The following EFNA3 variants were observed in gnomAD, a reference collection of about 807,000 sequenced individuals.
EFNA3 encodes ephrin-A3.
Under a neutral mutation model 25.0 loss-of-function variants are expected in EFNA3, and 15 were observed. The observed-to-expected ratio is 0.60, with a 90% CI of 0.40 to 0.92. The LOEUF is 0.92. Ranked by LOEUF, EFNA3 falls within the 40% of genes least tolerant of loss-of-function variation. EFNA3 has a pLI of 0.00. For missense variants in EFNA3, 298 were observed against 323.8 expected (o/e 0.92, Z 0.61); for synonymous variants, 153 against 145.6 (o/e 1.05, Z -0.37).
chr1:155,084,998 C>A (rs1663422397), intron 1 of EFNA3, 93 bp from the exon 2 acceptor site: 6 of 1,436,818 alleles, frequency 4.2e-6, no homozygotes, highest in Non-Finnish European at 2.9e-6. Flanking sequence ...CGGAAGGCTA[C>A]GCGGACCCTG....
At position 155,081,276 on chromosome 1, in the gene EFNA3, CTA is replaced by C. The variant is rs1344130590; in HGVS notation, c.128+2208_128+2209del. The stretch of plus-strand genomic sequence containing the variant: ...ACCTGTTCCCAATCTGGCCCAGAAA[CTA>C]GGGATGGGGGGACTGTATTGGAGCG... On this transcript the variant is annotated intron_variant, in intron 1 of 4. Transcript: ENST00000368408. This position sits in a 1 kb window ranked among gnomAD's most constrained non-coding sequence, Gnocchi z 5.2. 1.6e-4 allele frequency among the ~76,000 whole-genome samples: 25 copies of C among 152,334 alleles called. No individual in the cohort carries two copies. In the South Asian group the frequency reaches 2.7e-3, roughly 16 times the overall value.
Position 155,081,095 on chromosome 1 carries a change from G to A in EFNA3, c.128+2026G>A, listed in dbSNP as rs1294935123. Among the ~76,000 whole-genome samples, 1 of 152,164 alleles carries A rather than the reference G, an allele frequency of 6.6e-6. No individual in the cohort carries two copies. Among genetic ancestry groups the A allele is most frequent in the African/African-American group, 2.4e-5 (1 of 41,438 alleles). ...CGTGCGGAGGGTCTCTGCCCCTTGG[G>A]GTCACGTGGGGAGGGTCTTGCGACC... On this transcript the variant is annotated intron_variant, in intron 1 of 4. Coordinates refer to ENST00000368408, the MANE Select transcript of EFNA3 (RefSeq NM_004952.5). This position sits in a 1 kb window ranked among gnomAD's most constrained non-coding sequence, Gnocchi z 5.2.
rs1240843210 is a variant in EFNA3, at chr1:155,086,601, C to A, written c.*58C>A. 6.3e-7 allele frequency: 1 copy of A among 1,595,490 alleles called. No individual in the cohort carries two copies. The highest frequency in any genetic ancestry group is 1.1e-5 in the South Asian group (1 of 88,740). On this transcript the variant is annotated 3_prime_UTR_variant, in exon 5 of 5. Transcript: ENST00000368408. ...GGCGGGGCTTGGAAGGAGCAGGGAGCCTTTGGCCTCTCCAAGGGAAGCCTA... is the reference window on the plus strand; with the variant it reads ...GGCGGGGCTTGGAAGGAGCAGGGAGACTTTGGCCTCTCCAAGGGAAGCCTA...
rs1290980913 is a variant in EFNA3 at position 155,086,147 on chromosome 1, G to A, written c.528G>A (p.Lys176=). The A allele has an allele frequency of 1.3e-6, 2 of 1,573,002 alleles. No homozygotes were observed. Among genetic ancestry groups the A allele is most frequent in the Non-Finnish European group, 1.7e-6 (2 of 1,154,540 alleles). The part of the protein sequence containing the change: ...CCASTSHSGE[K]PVPTLPQFTM... Reference sequence around the variant, plus strand: ...CCGCAGCATCGCACTCCGGGGAGAAGCCGGTCCCCACTCTCCCCCAGTTCA... The same window carrying A: ...CCGCAGCATCGCACTCCGGGGAGAAACCGGTCCCCACTCTCCCCCAGTTCA... The change falls in exon 4 of 5, where the codon AAG becomes AAA. Residue 176 remains lysine (K), a synonymous_variant. Transcript: ENST00000368408.
Position 155,080,580 on chromosome 1 carries a change from C to T in EFNA3, c.128+1511C>T, listed in dbSNP as rs1036478992. The stretch of plus-strand genomic sequence containing the variant: ...AGTCTGGCGGGGAACGGAGAGCTCG[C>T]AGGTGAGGGGCCCCGGGTTCCCCGC... On this transcript the variant is annotated intron_variant, in intron 1 of 4. Transcript: ENST00000368408. The surrounding 1 kb of genome is among the most constrained non-coding windows in gnomAD (Gnocchi z 7.0). Among the ~76,000 whole-genome samples, 9 of 152,116 alleles carry T rather than the reference C, an allele frequency of 5.9e-5. No homozygotes were observed. The highest frequency in any genetic ancestry group is 1.2e-4 in the Non-Finnish European group (8 of 67,990).
In EFNA3 at chr1:155,085,048, C is replaced by T. The variant is rs1663424297; in HGVS notation, c.129-43C>T. 8.7e-6 allele frequency: 14 copies of T among 1,603,830 alleles called. No homozygotes were observed. The highest frequency in any genetic ancestry group is 1.0e-5 in the Non-Finnish European group (12 of 1,175,042). ...AGCGGTCAGATGGAAAGCGGCTTTG[C>T]TCTGGGGTTTCTTCTCTCTGAGCCG... On this transcript the variant is annotated intron_variant, in intron 1 of 4. Coordinates refer to ENST00000368408, the MANE Select transcript of EFNA3 (RefSeq NM_004952.5). The surrounding 1 kb of genome is among the most constrained non-coding windows in gnomAD (Gnocchi z 4.4).
chr1:155,086,071 G>A, intron 3 of EFNA3, 57 bp from the exon 4 acceptor site: 1 of 1,588,982 alleles, frequency 6.3e-7, no homozygotes, highest in Non-Finnish European at 8.6e-7. Context: ...AGCAAGGGGA[G>A]GGAATCCTGG....
At chr1:155,082,059 G>T (rs1663352016) in intron 1 of EFNA3, among the ~76,000 whole-genome samples, 1 of 152,206 alleles carries the variant, frequency 6.6e-6, no homozygotes, top group Non-Finnish European at 1.5e-5. Flanking sequence ...GACGGGCGGG[G>T]CGCCGAGGCC....
chr1:155,078,870 A>C lies in EFNA3; in HGVS notation c.-72A>C, dbSNP rs1663281896. On this transcript the variant is annotated 5_prime_UTR_variant, in exon 1 of 5. Coordinates refer to ENST00000368408, the MANE Select transcript of EFNA3 (RefSeq NM_004952.5). ...GCTGGGGGCCGACGGCGGCGGCAGC[A>C]GGGAGCTGGGAAGCGGAGAAGCCGG... is the stretch of plus-strand genomic sequence containing the variant. 7.6e-7 allele frequency: 1 copy of C among 1,307,996 alleles called. No homozygotes were observed. Among genetic ancestry groups the C allele is most frequent in the Non-Finnish European group, 9.7e-7 (1 of 1,028,720 alleles). 81.0% of individuals were successfully genotyped at this position (1,307,996 alleles called of 1,614,324 possible). A position where few individuals can be genotyped will look rare whatever the true frequency, so the allele number is the denominator to read the frequency against.
At chr1:155,086,102 C>T (rs1467370053) in intron 3 of EFNA3, 26 bp from the exon 4 acceptor site, 35 of 1,603,772 alleles carry the variant, frequency 2.2e-5, no homozygotes, top group Non-Finnish European at 3.0e-5. Flanking sequence ...CCCCTCCTCT[C>T]TCCCCACCCG....
chr1:155,086,250 G>GC (rs749078932), intron 4 of EFNA3, 45 bp downstream of exon 4: 39 of 1,605,362 alleles, frequency 2.4e-5, no homozygotes, highest in South Asian at 3.3e-5. Context: ...TGGAACCGCA[G>GC]CCCCCCGCCC....
rs145433479 is a variant in EFNA3, at chr1:155,082,348, A to G, written c.129-2743A>G. 2.3e-3 allele frequency among the ~76,000 whole-genome samples: 355 copies of G among 152,288 alleles called. 1 individual carries two copies. Among genetic ancestry groups the G allele is most frequent in the African/African-American group, 8.4e-3 (349 of 41,582 alleles). On this transcript the variant is annotated intron_variant, in intron 1 of 4. Coordinates refer to ENST00000368408, the MANE Select transcript of EFNA3 (RefSeq NM_004952.5). ...AGGATGGCGAGGATTTGACAAGTTC[A>G]GGGCCCCCTGGGATCCTTTCCCTAC...
At chr1:155,084,001 T>TAA (rs1663391835) in intron 1 of EFNA3, among the ~76,000 whole-genome samples, 1 of 152,212 alleles carries the variant, frequency 6.6e-6, no homozygotes, top group Non-Finnish European at 1.5e-5. Flanking sequence ...TCGAGGGTGT[T>TAA]AAGACCAACA....
At position 155,085,312 on chromosome 1, in the gene EFNA3, A is replaced by C; in HGVS notation, c.350A>C (p.His117Pro). Reference sequence around the variant, plus strand: ...GAGTGCAACCGGCCGCACGCCCCGCACAGCCCCATCAAGTTCTCGGAGAAG... The same window carrying C: ...GAGTGCAACCGGCCGCACGCCCCGCCCAGCCCCATCAAGTTCTCGGAGAAG... Reference protein sequence around the residue: ...RWECNRPHAPHSPIKFSEKFQ... With the variant: ...RWECNRPHAPPSPIKFSEKFQ... Residue 117 changes from histidine to proline, a missense_variant, in exon 2 of 5, where the codon CAC (histidine) becomes CCC (proline). By Grantham distance (77) the His-to-Pro change is moderately conservative. Transcript: ENST00000368408. This position sits in a 1 kb window ranked among gnomAD's most constrained non-coding sequence, Gnocchi z 4.4. The C allele has an allele frequency of 1.2e-6, 2 of 1,613,154 alleles. No homozygotes were observed. The highest frequency in any genetic ancestry group is 2.7e-5 in the African/African-American group (2 of 75,052).
rs965528271 is a variant in EFNA3, at chr1:155,080,832, G to C, written c.128+1763G>C. ...GCAGAGGTAGGAGGGGGCGCACACC[G>C]GGCCAGGAGGCTGCCGCCGCCCCCG... On this transcript the variant is annotated intron_variant, in intron 1 of 4. Transcript: ENST00000368408. This position sits in a 1 kb window ranked among gnomAD's most constrained non-coding sequence, Gnocchi z 7.0. 1.3e-5 allele frequency among the ~76,000 whole-genome samples: 2 copies of C among 152,142 alleles called. No individual in the cohort carries two copies. Among genetic ancestry groups the C allele is most frequent in the Non-Finnish European group, 2.9e-5 (2 of 68,006 alleles).
At chr1:155,083,692 CG>C (rs1663386336) in intron 1 of EFNA3, among the ~76,000 whole-genome samples, 1 of 152,194 alleles carries the variant, frequency 6.6e-6, no homozygotes, top group Non-Finnish European at 1.5e-5. Flanking sequence ...AAGGCCCCAC[CG>C]TGTGCAGAAG....
rs937107654 is a variant in EFNA3 at position 155,079,751 on chromosome 1, C to T, written c.128+682C>T. 6.6e-6 allele frequency among the ~76,000 whole-genome samples: 1 copy of T among 152,030 alleles called. No individual in the cohort carries two copies. The highest frequency in any genetic ancestry group is 1.5e-5 in the Non-Finnish European group (1 of 67,986). On this transcript the variant is annotated intron_variant, in intron 1 of 4. Coordinates refer to ENST00000368408, the MANE Select transcript of EFNA3 (RefSeq NM_004952.5). The surrounding 1 kb of genome is among the most constrained non-coding windows in gnomAD (Gnocchi z 7.7). ...CGCCCGGGCTGGGGACGGCGAATGG[C>T]TCCAAGTGTGAGCGGGCGTGCGCGG...
At position 155,080,733 on chromosome 1, in the gene EFNA3, C is replaced by A. The variant is rs1203220634; in HGVS notation, c.128+1664C>A. ...ATACACCTGGGCGCAGGTGAAAGCTCAGGGAGCGGGTGGGGGAGCCCGGGT... is the reference window on the plus strand; with the variant it reads ...ATACACCTGGGCGCAGGTGAAAGCTAAGGGAGCGGGTGGGGGAGCCCGGGT... On this transcript the variant is annotated intron_variant, in intron 1 of 4. Coordinates refer to ENST00000368408, the MANE Select transcript of EFNA3 (RefSeq NM_004952.5). This position sits in a 1 kb window ranked among gnomAD's most constrained non-coding sequence, Gnocchi z 7.0. Among the ~76,000 whole-genome samples the A allele has an allele frequency of 1.3e-5, 2 of 152,208 alleles. No homozygotes were observed. Among genetic ancestry groups the A allele is most frequent in the Non-Finnish European group, 2.9e-5 (2 of 68,016 alleles).
At position 155,079,709 on chromosome 1, in the gene EFNA3, TCA is replaced by T. The variant is rs1663304629; in HGVS notation, c.128+646_128+647del. On this transcript the variant is annotated intron_variant, in intron 1 of 4. Transcript: ENST00000368408. The surrounding 1 kb of genome is among the most constrained non-coding windows in gnomAD (Gnocchi z 7.7). ...AAGGCGGCAGAGAGATGTCGGTGTG[TCA>T]CACACGCACACACACGCCCGGGCTG... 6.6e-6 allele frequency among the ~76,000 whole-genome samples: 1 copy of T among 151,996 alleles called. No homozygotes were observed. The highest frequency in any genetic ancestry group is 2.4e-5 in the African/African-American group (1 of 41,390).
Sources: allele counts gnomAD v4.1 joint callset (sites outside exome capture counted in the v4.1 genomes callset), GRCh38; gene constraint gnomAD v4.1.1; non-coding constraint Gnocchi (gnomAD v3.1); transcripts MANE v1.5; gene names NCBI Gene and HGNC (gene_info 2026-07-23, HGNC 2026-07-21).